NTRK2: variants seen among roughly 807,000 people sequenced by gnomAD.
NTRK2 encodes the protein neurotrophic receptor tyrosine kinase 2, also known as BDNF/NT-3 growth factors receptor.
A neutral mutation model predicts 94.5 loss-of-function variants in NTRK2; 13 were observed. The ratio of observed to expected loss-of-function variants is 0.14; its 90% confidence interval spans 0.09 to 0.22. NTRK2 has a LOEUF of 0.22. NTRK2 is among the 10% of genes least tolerant of loss of function. The pLI, the probability that NTRK2 is intolerant of heterozygous loss-of-function variation, is 1.00. For missense variants in NTRK2, 639 were observed against 1,071.2 expected, an observed-to-expected ratio of 0.60 and a Z score of 5.63; for synonymous variants, 372 against 407.4, an observed-to-expected ratio of 0.91 and a Z score of 1.05.
chr9:85,020,051 T>C (rs1832647758), intron 17 of NTRK2, among the ~76,000 whole-genome samples, 155 bp from the exon 18 acceptor site: 1 of 152,206 alleles, frequency 6.6e-6, no homozygotes, highest in African/African-American at 2.4e-5. Flanking sequence ...CTCTGTTGCT[T>C]GAGACTGTGA....
At chr9:84,682,727 T>C (rs960680585) in intron 2 of NTRK2, among the ~76,000 whole-genome samples, 1 of 152,208 alleles carries the variant, frequency 6.6e-6, no homozygotes, top group South Asian at 2.1e-4. Flanking sequence ...CTTACATATA[T>C]AGCACATATA....
chr9:84,670,697 G>C lies in NTRK2; in HGVS notation c.-52G>C, dbSNP rs2058644347. The C allele has an allele frequency of 6.3e-7, 1 of 1,585,210 alleles. No individual in the cohort carries two copies. The highest frequency in any genetic ancestry group is 8.6e-7 in the Non-Finnish European group (1 of 1,160,836). The stretch of plus-strand genomic sequence containing the variant: ...GGCCTCCCCGCACGGGTGGGGGAAA[G>C]CGGCCGGTGCAGCGCGGGGACAGGC... On this transcript the variant is annotated 5_prime_UTR_variant, in exon 2 of 19. Coordinates refer to ENST00000277120, the MANE Select transcript of NTRK2 (RefSeq NM_006180.6).
chr9:84,722,055 G>C (rs191885630), intron 6 of NTRK2, among the ~76,000 whole-genome samples: 8 of 151,660 alleles, frequency 5.3e-5, no homozygotes, highest in African/African-American at 1.7e-4. Flanking sequence ...CTCATCTAAG[G>C]CCACAAAGTT....
chr9:84,785,221 C>T (rs1288819528), intron 12 of NTRK2, among the ~76,000 whole-genome samples: 1 of 152,154 alleles, frequency 6.6e-6, no homozygotes, highest in Non-Finnish European at 1.5e-5. Context: ...ACTCCTCCTC[C>T]CACCCTCCAT....
chr9:84,871,878 T>A, intron 14 of NTRK2: 5 of 1,613,342 alleles, frequency 3.1e-6, no homozygotes, highest in Non-Finnish European at 4.2e-6. Context: ...GCTAAATCCA[T>A]GCCTGATGGA....
chr9:84,904,329 A>G (rs978987400), intron 14 of NTRK2, among the ~76,000 whole-genome samples: 2 of 152,188 alleles, frequency 1.3e-5, no homozygotes, highest in Non-Finnish European at 2.9e-5. Flanking sequence ...TTAATAAGGC[A>G]AGTTCACAGC....
At chr9:84,939,521 A>T (rs1051346753) in intron 15 of NTRK2, among the ~76,000 whole-genome samples, 3 of 152,300 alleles carry the variant, frequency 2.0e-5, no homozygotes, top group Non-Finnish European at 2.9e-5. Flanking sequence ...TGTGTTAGTT[A>T]TGTCGTTTAT....
chr9:84,694,118 G>A (rs756262023), intron 2 of NTRK2, among the ~76,000 whole-genome samples: 10 of 152,194 alleles, frequency 6.6e-5, no homozygotes, highest in Admixed American at 1.3e-4. Flanking sequence ...GTCCTAGAGC[G>A]TGGTACAGTG....
intron 12 of NTRK2, chr9:84,814,686 A>G (rs201929257): frequency 1.0e-5 from 11 of 1,064,670 alleles, no homozygotes; most frequent in Admixed American, 1.1e-4. Flanking sequence ...TTCACACTAC[A>G]CTAGAAGTTT....
At chr9:84,761,233 G>T in intron 12 of NTRK2, among the ~76,000 whole-genome samples, 1 of 152,118 alleles carries the variant, frequency 6.6e-6, no homozygotes, top group East Asian at 1.9e-4. Context: ...TTAATATCCT[G>T]GATTGAAGCA....
chr9:84,803,723 C>G (rs960805989), intron 12 of NTRK2, among the ~76,000 whole-genome samples: 3 of 152,188 alleles, frequency 2.0e-5, no homozygotes, highest in African/African-American at 2.4e-5. Flanking sequence ...TGCATTTTAT[C>G]CCACTCTCAG....
intron 17 of NTRK2, among the ~76,000 whole-genome samples, chr9:84,964,210 T>C (rs1022330291): frequency 2.0e-5 from 3 of 152,192 alleles, no homozygotes; most frequent in African/African-American, 7.2e-5. Flanking sequence ...TGAGCTTTGT[T>C]ATGGAATGCA....
chr9:84,878,385 C>T (rs1344171381), intron 14 of NTRK2, among the ~76,000 whole-genome samples: 1 of 152,050 alleles, frequency 6.6e-6, no homozygotes, highest in Admixed American at 6.6e-5. Context: ...TCTGTAATCC[C>T]AGCACTTTGG....
chr9:84,733,112 C>G (rs1197293764), intron 9 of NTRK2, among the ~76,000 whole-genome samples: 1 of 152,204 alleles, frequency 6.6e-6, no homozygotes, highest in African/African-American at 2.4e-5. Context: ...AGGGTCAGGC[C>G]TTGTCCTCTG....
chr9:85,021,691 A>T lies in NTRK2; in HGVS notation c.*254A>T, dbSNP rs1832789178. ...TGGTTGTTCCTTTTTCTTTTTTTAA[A>T]TTTTCTTTTTCTTTTTTTTTTCGTC... On this transcript the variant is annotated 3_prime_UTR_variant, in exon 19 of 19. Transcript: ENST00000277120. The T allele has an allele frequency of 7.6e-5, 37 of 486,056 alleles. No individual in the cohort carries two copies. Among genetic ancestry groups the T allele is most frequent in the East Asian group, 1.3e-4 (4 of 29,902 alleles). The allele number at this position is 486,056 out of a possible 1,614,324, so 30.1% of individuals were successfully genotyped here.
intron 12 of NTRK2, among the ~76,000 whole-genome samples, chr9:84,779,913 A>C (rs2067400594): frequency 6.6e-6 from 1 of 152,154 alleles, no homozygotes; most frequent in Non-Finnish European, 1.5e-5. Flanking sequence ...GAAATGCTAA[A>C]AGGGAACCAA....
At chr9:84,920,474 C>T (rs2077527819) in intron 14 of NTRK2, among the ~76,000 whole-genome samples, 1 of 152,088 alleles carries the variant, frequency 6.6e-6, no homozygotes, top group South Asian at 2.1e-4. Context: ...ATCCAGTTGT[C>T]CCTCCTTTGT....
At position 85,003,158 on chromosome 9, in the gene NTRK2, AC is replaced by A. The variant is rs534673335; in HGVS notation, c.2173-17047del. ...TCACCTTGAGCTGTGCTAAGGTGAA[AC>A]ATGAAAAGCTTCATTTGTGAGATCA... On this transcript the variant is annotated intron_variant, in intron 17 of 18. Coordinates refer to ENST00000277120, the MANE Select transcript of NTRK2 (RefSeq NM_006180.6). Among the ~76,000 whole-genome samples the A allele has an allele frequency of 2.6e-5, 4 of 152,310 alleles. No individual in the cohort carries two copies. The East Asian group carries it at 7.7e-4, about 29-fold the overall frequency.
intron 17 of NTRK2, among the ~76,000 whole-genome samples, chr9:84,967,997 C>T (rs931880602): frequency 9.2e-5 from 14 of 152,156 alleles, no homozygotes; most frequent in East Asian, 1.9e-4. Flanking sequence ...GTAGGAACAA[C>T]GACCTTAGAA....
Sources: allele counts gnomAD v4.1 joint callset (sites outside exome capture counted in the v4.1 genomes callset), GRCh38; gene constraint gnomAD v4.1.1; transcripts MANE v1.5; gene names NCBI Gene and HGNC (gene_info 2026-07-23, HGNC 2026-07-21).